SLC39A8: variants seen among roughly 807,000 people sequenced by gnomAD.
The protein encoded by SLC39A8 is metal cation symporter ZIP8.
SLC39A8 carries 15 observed loss-of-function variants against 40.4 expected under a neutral mutation model. That is an observed-to-expected ratio of 0.37 (90% CI 0.25 to 0.57). The LOEUF (loss-of-function observed/expected upper bound fraction) is 0.57. SLC39A8 is among the 20% of genes least tolerant of loss of function. SLC39A8 has a pLI of 0.75. For missense variants in SLC39A8, 472 were observed against 558.8 expected (o/e 0.84, Z 1.57); for synonymous variants, 223 against 221.6 (o/e 1.01, Z -0.06).
Position 102,262,115 on chromosome 4 carries a change from G to T in SLC39A8, c.*929C>A. ...GTTAATCTGTCCTTGATGTACAGCAGTCCAGCTGTTGTTTTGCATTTATTA... is the reference window on the plus strand; with the variant it reads ...GTTAATCTGTCCTTGATGTACAGCATTCCAGCTGTTGTTTTGCATTTATTA... On this transcript the variant is annotated 3_prime_UTR_variant, in exon 9 of 9. Coordinates refer to ENST00000356736, the MANE Select transcript of SLC39A8 (RefSeq NM_001135146.2). The T allele has an allele frequency of 1.1e-5, 11 of 985,898 alleles. No individual in the cohort carries two copies. The highest frequency in any genetic ancestry group is 1.3e-5 in the Non-Finnish European group (11 of 829,846). The allele number at this position is 985,898 out of a possible 1,614,324, so 61.1% of individuals were successfully genotyped here.
chr4:102,259,149 T>C (rs1731780242), downstream of SLC39A8, among the ~76,000 whole-genome samples: 1 of 152,252 alleles, frequency 6.6e-6, no homozygotes, highest in Admixed American at 6.5e-5. Flanking sequence ...ACAAGTTTTA[T>C]AAACTTCCTC....
At chr4:102,318,363 T>C (rs1368963282) in intron 2 of SLC39A8, among the ~76,000 whole-genome samples, 2 of 152,006 alleles carry the variant, frequency 1.3e-5, no homozygotes, top group African/African-American at 2.4e-5. Flanking sequence ...GCTCCCCTCA[T>C]GATAAGAGAA....
intron 6 of SLC39A8, among the ~76,000 whole-genome samples, chr4:102,290,146 G>A (rs1733358652): frequency 6.6e-6 from 1 of 152,170 alleles, no homozygotes. Context: ...CAGAGGCACG[G>A]CCCTCCACTT....
intron 6 of SLC39A8, among the ~76,000 whole-genome samples, chr4:102,288,403 T>C (rs189357186): frequency 1.1e-4 from 16 of 152,224 alleles, no homozygotes; most frequent in Admixed American, 3.9e-4. Context: ...CTGTAGGGCC[T>C]CTCTATTCCC....
chr4:102,328,951 C>A (rs1400373365), intron 2 of SLC39A8, among the ~76,000 whole-genome samples: 3 of 151,628 alleles, frequency 2.0e-5, no homozygotes, highest in African/African-American at 7.3e-5. Context: ...TGGTGTGAAC[C>A]CGGGAGGCGG....
intron 2 of SLC39A8, among the ~76,000 whole-genome samples, chr4:102,318,528 A>T (rs1734759815): frequency 1.3e-5 from 2 of 152,142 alleles, no homozygotes; most frequent in African/African-American, 2.4e-5. Context: ...ACTTTGACTT[A>T]ACAAAGTTGA....
intron 2 of SLC39A8, among the ~76,000 whole-genome samples, chr4:102,330,687 A>G (rs746093302): frequency 6.6e-6 from 1 of 152,206 alleles, no homozygotes; most frequent in Non-Finnish European, 1.5e-5. Context: ...GGTCAGCATC[A>G]TCCTGATACC....
At chr4:102,327,010 G>A (rs959890542) in intron 2 of SLC39A8, among the ~76,000 whole-genome samples, 13 of 152,170 alleles carry the variant, frequency 8.5e-5, no homozygotes, top group Admixed American at 7.9e-4. Context: ...GGCCTGGCAT[G>A]GTGGCTCACA....
chr4:102,332,941 T>C (rs1167393368), intron 2 of SLC39A8, among the ~76,000 whole-genome samples: 1 of 152,144 alleles, frequency 6.6e-6, no homozygotes, highest in Admixed American at 6.5e-5. Flanking sequence ...CCGCATGTTC[T>C]CACTCATAAG....
chr4:102,295,492 A>G (rs1578584943), intron 6 of SLC39A8, among the ~76,000 whole-genome samples: 1 of 152,052 alleles, frequency 6.6e-6, no homozygotes, highest in African/African-American at 2.4e-5. Flanking sequence ...GCACATTCAT[A>G]CCTAATCTTA....
chr4:102,264,214 T>C (rs150306285), intron 8 of SLC39A8, among the ~76,000 whole-genome samples: 206 of 152,290 alleles, frequency 1.4e-3, no homozygotes, highest in Middle Eastern at 3.4e-3. Flanking sequence ...GATTTGTAAG[T>C]CAAAACTACT....
chr4:102,262,656 C>T lies in SLC39A8; in HGVS notation c.*388G>A. The T allele has an allele frequency of 3.0e-6, 3 of 990,012 alleles. No individual in the cohort carries two copies. The highest frequency in any genetic ancestry group is 3.6e-6 in the Non-Finnish European group (3 of 833,124). The allele number at this position is 990,012 out of a possible 1,614,324, so 61.3% of individuals were successfully genotyped here. On this transcript the variant is annotated 3_prime_UTR_variant, in exon 9 of 9. Transcript: ENST00000356736. Reference sequence around the variant, plus strand: ...AATTGAAATAAAACCTCTCTGAAACCATTTGAATCTTTGATCCTACCATAG... The same window carrying T: ...AATTGAAATAAAACCTCTCTGAAACTATTTGAATCTTTGATCCTACCATAG...
chr4:102,283,579 T>C (rs1410440682), intron 6 of SLC39A8, among the ~76,000 whole-genome samples: 1 of 136,558 alleles, frequency 7.3e-6, no homozygotes, highest in African/African-American at 2.5e-5. Flanking sequence ...CTTCCAATTG[T>C]TGAGGAGAAA....
chr4:102,304,179 C>A, intron 6 of SLC39A8, 138 bp downstream of exon 6: 1 of 573,440 alleles, frequency 1.7e-6, no homozygotes, highest in Admixed American at 3.5e-5. Context: ...TGCAGACTTA[C>A]ATTCCAGTTA....
intron 4 of SLC39A8, among the ~76,000 whole-genome samples, chr4:102,306,484 T>C (rs1000576544): frequency 7.1e-6 from 1 of 141,332 alleles, no homozygotes; most frequent in Non-Finnish European, 1.5e-5. Context: ...TGATAATAAA[T>C]CTATAACTCT....
chr4:102,316,842 T>G (rs942895536), intron 2 of SLC39A8, among the ~76,000 whole-genome samples: 1 of 152,118 alleles, frequency 6.6e-6, no homozygotes, highest in Non-Finnish European at 1.5e-5. Context: ...GTAATTAAGT[T>G]TAGATGAGTT....
intron 8 of SLC39A8, among the ~76,000 whole-genome samples, chr4:102,267,016 A>C (rs999208330): frequency 2.6e-5 from 4 of 152,212 alleles, no homozygotes; most frequent in Admixed American, 6.5e-5. Flanking sequence ...AAATTTTACC[A>C]ATTTTAGTGT....
intron 2 of SLC39A8, among the ~76,000 whole-genome samples, chr4:102,341,223 A>G (rs2149057882): frequency 6.6e-6 from 1 of 152,360 alleles, no homozygotes; most frequent in East Asian, 1.9e-4. Flanking sequence ...CAAGATATAT[A>G]TCAAAAAATA....
intron 2 of SLC39A8, among the ~76,000 whole-genome samples, chr4:102,320,134 G>A (rs1734840888): frequency 7.0e-6 from 1 of 142,094 alleles, no homozygotes; most frequent in Admixed American, 7.3e-5. Context: ...ACAATCACAT[G>A]AGCCAATTCC....
Sources: allele counts gnomAD v4.1 joint callset (sites outside exome capture counted in the v4.1 genomes callset), GRCh38; gene constraint gnomAD v4.1.1; transcripts MANE v1.5; gene names NCBI Gene and HGNC (gene_info 2026-07-23, HGNC 2026-07-21).